TBX22: variants seen among roughly 807,000 people sequenced by gnomAD.
TBX22 encodes T-box transcription factor 22.
A neutral mutation model predicts 30.1 loss-of-function variants in TBX22; 8 were observed. The ratio of observed to expected loss-of-function variants is 0.27; its 90% CI spans 0.16 to 0.48. TBX22 has a LOEUF of 0.48. TBX22 is among the 20% of genes least tolerant of loss of function. The probability of loss-of-function intolerance (pLI) is 0.99; values close to 1 mark genes in which losing one functional copy is unlikely to be tolerated. For missense variants in TBX22, 463 were observed against 400.5 expected (o/e 1.16, Z -1.33); for synonymous variants, 173 against 149.1 (o/e 1.16, Z -1.17).
Position 80,030,800 on chromosome X carries a change from G to A in TBX22, c.1252G>A (p.Val418Ile), listed in dbSNP as rs1167726911. 5 of 1,211,234 alleles carry A rather than the reference G, an allele frequency of 4.1e-6. No homozygotes were observed. The highest frequency in any genetic ancestry group is 1.7e-5 in the African/African-American group (1 of 57,779). ...MEVPMLSSLG[V>I]TNSKSGSSED... ...AGTGCCTATGTTATCTTCCCTGGGGGTCACCAATTCAAAAAGCGGTTCATC... is the reference window on the plus strand; with the variant it reads ...AGTGCCTATGTTATCTTCCCTGGGGATCACCAATTCAAAAAGCGGTTCATC... Residue 418 changes from valine (V) to isoleucine (I), a missense_variant, in exon 9 of 9, where the codon GTC (valine) becomes ATC (isoleucine). Val to Ile is a conservative substitution (Grantham distance 29). Coordinates refer to ENST00000373296, the MANE Select transcript of TBX22 (RefSeq NM_001109878.2).
At chrX:80,026,342 A>G (rs1474555412) in intron 5 of TBX22, among the ~76,000 whole-genome samples, 1 of 111,822 alleles carries the variant, frequency 8.9e-6, no homozygotes, top group Non-Finnish European at 1.9e-5. Flanking sequence ...TCCCAAGATT[A>G]GGAGGTAGGG....
intron 6 of TBX22, 80 bp downstream of exon 6, chrX:80,026,948 C>A (rs1924005403): frequency 2.1e-6 from 2 of 959,369 alleles, no homozygotes; most frequent in Non-Finnish European, 3.0e-6. Context: ...TAACTGCCAT[C>A]AATTGCATTT....
At chrX:80,018,740 T>G (rs1923555643) in intron 1 of TBX22, among the ~76,000 whole-genome samples, 1 of 112,060 alleles carries the variant, frequency 8.9e-6, no homozygotes, top group African/African-American at 3.2e-5. Flanking sequence ...TAAACACACT[T>G]ACAGAAACAT....
At chrX:80,023,714 G>T (rs1374170645) in intron 3 of TBX22, among the ~76,000 whole-genome samples, 2 of 111,643 alleles carry the variant, frequency 1.8e-5, no homozygotes, top group Non-Finnish European at 3.8e-5. Context: ...ACTAATTTCA[G>T]CCTTCCACAA....
At chrX:80,028,755 T>A (rs1924100206) in intron 8 of TBX22, among the ~76,000 whole-genome samples, 1 of 111,771 alleles carries the variant, frequency 8.9e-6, no homozygotes, top group Admixed American at 9.5e-5. Context: ...ATTTTTTTTA[T>A]CCCTTTGTCT....
chrX:80,026,230 C>A (rs1003603560), intron 5 of TBX22, among the ~76,000 whole-genome samples: 1 of 111,576 alleles, frequency 9.0e-6, no homozygotes, highest in Non-Finnish European at 1.9e-5. Flanking sequence ...AACAACCTAC[C>A]CTCATAGGTC....
At chrX:80,016,497 A>G (rs906784573) in intron 1 of TBX22, among the ~76,000 whole-genome samples, 3 of 110,394 alleles carry the variant, frequency 2.7e-5, no homozygotes, top group African/African-American at 1.0e-4. Flanking sequence ...CCTCATAAAC[A>G]GTATTTTTTT....
At chrX:80,025,493 C>G (rs1352639161) in intron 4 of TBX22, 110 bp from the exon 5 acceptor site, 2 of 623,160 alleles carry the variant, frequency 3.2e-6, no homozygotes, top group Non-Finnish European at 5.4e-6. Context: ...CTTCTCCTTA[C>G]TTGCCCTTGG....
chrX:80,027,951 T>C, intron 7 of TBX22, 40 bp from the exon 8 acceptor site: 2 of 1,011,968 alleles, frequency 2.0e-6, no homozygotes, highest in Non-Finnish European at 2.8e-6. Context: ...TTTTCAGAAA[T>C]TGCATTCTGG....
intron 1 of TBX22, among the ~76,000 whole-genome samples, chrX:80,021,790 A>G: frequency 9.0e-6 from 1 of 110,957 alleles, no homozygotes; most frequent in Non-Finnish European, 1.9e-5. Context: ...TGCAACAGTA[A>G]CTCCCAATCC....
chrX:80,021,254 A>G (rs970908662), intron 1 of TBX22, among the ~76,000 whole-genome samples: 1 of 111,681 alleles, frequency 9.0e-6, no homozygotes, highest in East Asian at 2.8e-4. Flanking sequence ...TTTGCTGATT[A>G]AGTACTGTGA....
intron 4 of TBX22, 54 bp from the exon 5 acceptor site, chrX:80,025,549 A>G (rs1923927771): frequency 2.8e-6 from 3 of 1,062,450 alleles, no homozygotes; most frequent in South Asian, 3.7e-5. Flanking sequence ...ACAGAACACA[A>G]CAGCTCCCAG....
rs751915345 is a variant in TBX22 at position 80,030,500 on chromosome X, G to C, written c.952G>C (p.Gly318Arg). 6 of 1,211,424 alleles carry C rather than the reference G, an allele frequency of 5.0e-6. No individual in the cohort carries two copies. The South Asian group carries it at 1.1e-4, about 21-fold the overall frequency. Residue 318 changes from glycine (G) to arginine (R), a missense_variant and splice_region_variant, in exon 9 of 9, where the codon GGA (glycine) becomes CGA (arginine). Gly to Arg is a moderately radical substitution (Grantham distance 125, BLOSUM62 -2). Transcript: ENST00000373296. ...FKTFGADTQS[G>R]SSGSSPVTSS... The stretch of plus-strand genomic sequence containing the variant: ...ATTGGCTGAATTGTCATTCACAGGT[G>C]GAAGCAGTGGCTCATCTCCAGTGAC...
chrX:80,030,718 T>C lies in TBX22; in HGVS notation c.1170T>C (p.Ala390=). Reference sequence around the variant, plus strand: ...AACAGCAACCTCTTGTTTTACCGGCTCCTGAAAGACTAGCAAGCAGCAACA... The same window carrying C: ...AACAGCAACCTCTTGTTTTACCGGCCCCTGAAAGACTAGCAAGCAGCAACA... The part of the protein sequence containing the change: ...FWQQQPLVLP[A]PERLASSNSS... The change falls in exon 9 of 9, where the codon GCT becomes GCC. Residue 390 remains alanine, a synonymous_variant. Transcript: ENST00000373296. 1 of 1,211,866 alleles carries C rather than the reference T, an allele frequency of 8.3e-7. No individual in the cohort carries two copies. Among genetic ancestry groups the C allele is most frequent in the African/African-American group, 1.7e-5 (1 of 57,819 alleles).
At position 80,030,978 on chromosome X, in the gene TBX22, A is replaced by G; in HGVS notation, c.1430A>G (p.Tyr477Cys). 3.3e-6 allele frequency: 4 copies of G among 1,211,999 alleles called. No homozygotes were observed. The highest frequency in any genetic ancestry group is 4.5e-6 in the Non-Finnish European group (4 of 895,475). ...CATCCTTCCTATGACTTTTATAGAT[A>G]CAATTTCTCTATGCCATCTAGACTG... ...SFHPSYDFYR[Y>C]NFSMPSRLIS... is the part of the protein sequence containing the mutation. The change falls in exon 9 of 9, where the codon TAC becomes TGC. Residue 477 changes from tyrosine to cysteine, a missense_variant. Transcript: ENST00000373296.
Position 80,026,933 on chromosome X carries a change from G to T in TBX22, c.798+65G>T, listed in dbSNP as rs888767522. 2.0e-5 allele frequency: 21 copies of T among 1,034,590 alleles called. No individual in the cohort carries two copies. In the Middle Eastern group the frequency reaches 7.5e-4, roughly 37 times the overall value. The allele number at this position is 1,034,590 out of a possible 1,213,427, so 85.3% of individuals were successfully genotyped here. Reference sequence around the variant, plus strand: ...AGAGGGACCTTGGATTAGAGGCATAGAGGCTAACTGCCATCAATTGCATTT... The same window carrying T: ...AGAGGGACCTTGGATTAGAGGCATATAGGCTAACTGCCATCAATTGCATTT... On this transcript the variant is annotated intron_variant, in intron 6 of 8. Coordinates refer to ENST00000373296, the MANE Select transcript of TBX22 (RefSeq NM_001109878.2).
rs1355613525 is a variant in TBX22, at chrX:80,023,087, C to T, written c.203C>T (p.Thr68Ile). The T allele has an allele frequency of 1.7e-6, 2 of 1,210,007 alleles. No homozygotes were observed. The highest frequency in any genetic ancestry group is 1.8e-5 in the South Asian group (1 of 56,804). Residue 68 changes from threonine (T) to isoleucine (I), a missense_variant, in exon 3 of 9, where the codon ACA (threonine) becomes ATA (isoleucine). By Grantham distance (89) the Thr-to-Ile change is moderately conservative (BLOSUM62 -1). Transcript: ENST00000373296. ...LEKQPKTEPS[T>I]SASSGCGSDS... ...AAACAACCTAAGACAGAGCCCTCAA[C>T]ATCTGCTTCCTCTGGCTGCGGCAGC...
rs751216592 is a variant in TBX22, at chrX:80,024,124, G to T, written c.418G>T (p.Val140Leu). 1.7e-6 allele frequency: 2 copies of T among 1,211,445 alleles called. No individual in the cohort carries two copies. Among genetic ancestry groups the T allele is most frequent in the Non-Finnish European group, 2.2e-6 (2 of 895,342 alleles). The change falls in exon 4 of 9, where the codon GTG (valine) becomes TTG (leucine). Residue 140 changes from valine (V) to leucine (L), a missense_variant. Physicochemically the swap from Val to Leu is conservative, Grantham distance 32. Transcript: ENST00000373296. ...GTTGGATCCAGGGAAGCAGTACCAT[G>T]TGGCCATCGATGTGGTGCCGGTGGA... Reference protein sequence around the residue: ...KGLDPGKQYHVAIDVVPVDSK... With the variant: ...KGLDPGKQYHLAIDVVPVDSK...
At chrX:80,028,193 A>C in intron 8 of TBX22, 117 bp downstream of exon 8, 1 of 614,082 alleles carries the variant, frequency 1.6e-6, no homozygotes, top group Non-Finnish European at 2.6e-6. Flanking sequence ...ATGTGTACTT[A>C]TGGGTAACTG....
Sources: allele counts gnomAD v4.1 joint callset (sites outside exome capture counted in the v4.1 genomes callset), GRCh38; gene constraint gnomAD v4.1.1; transcripts MANE v1.5; gene names NCBI Gene and HGNC (gene_info 2026-07-23, HGNC 2026-07-21).